Variants in IMPG2 observed in about 807,000 individuals in gnomAD.
IMPG2 encodes the protein IPM 200.
IMPG2 carries 91 observed loss-of-function variants against 129.2 expected under a neutral mutation model. That is an observed-to-expected ratio of 0.70 (90% CI 0.59 to 0.84). The LOEUF is 0.84. IMPG2 is among the 40% of genes least tolerant of loss of function. IMPG2 has a pLI of 0.00. For missense variants in IMPG2, 1,430 were observed against 1,461.7 expected (o/e 0.98, Z 0.35); for synonymous variants, 510 against 517.7 (o/e 0.99, Z 0.20).
At chr3:101,291,960 T>A (rs1280129862) in intron 3 of IMPG2, among the ~76,000 whole-genome samples, 1 of 152,180 alleles carries the variant, frequency 6.6e-6, no homozygotes, top group African/African-American at 2.4e-5. Context: ...AAAAGACATA[T>A]CATATCAATA....
intron 4 of IMPG2, among the ~76,000 whole-genome samples, chr3:101,284,042 G>A (rs779506862): frequency 3.9e-5 from 6 of 152,184 alleles, no homozygotes; most frequent in Non-Finnish European, 5.9e-5. Context: ...TCAGATTCGA[G>A]ATATATTTTG....
At chr3:101,284,260 C>G (rs1048495956) in intron 4 of IMPG2, among the ~76,000 whole-genome samples, 10 of 152,150 alleles carry the variant, frequency 6.6e-5, no homozygotes, top group African/African-American at 2.4e-4. Context: ...ACTTGACATT[C>G]ACATAGAGAT....
At chr3:101,299,871 C>T (rs940717594) in intron 3 of IMPG2, among the ~76,000 whole-genome samples, 4 of 152,188 alleles carry the variant, frequency 2.6e-5, no homozygotes, top group African/African-American at 9.7e-5. Context: ...TGGAGGGTCT[C>T]ACCCAGTTGG....
chr3:101,304,073 C>T lies in IMPG2; in HGVS notation c.501+73G>A, dbSNP rs1156921123. 3 of 1,536,036 alleles carry T rather than the reference C, an allele frequency of 2.0e-6. 1 individual carries two copies. In the Admixed American group the frequency reaches 5.0e-5, roughly 26 times the overall value. ...TACAGGCATTTGCCACTTGCTTTTG[C>T]TTCCTTTAGGCCTTAGCTGTGTAAA... On this transcript the variant is annotated intron_variant, in intron 3 of 18. Transcript: ENST00000193391.
intron 5 of IMPG2, 100 bp downstream of exon 5, chr3:101,276,564 A>G: frequency 1.3e-6 from 1 of 786,734 alleles, no homozygotes; most frequent in Non-Finnish European, 2.1e-6. Context: ...GAAATCTGAT[A>G]TTTTTAAAAG....
chr3:101,258,424 T>C (rs1033233094), intron 9 of IMPG2, among the ~76,000 whole-genome samples: 1 of 152,112 alleles, frequency 6.6e-6, no homozygotes, highest in Non-Finnish European at 1.5e-5. Context: ...AGTAATTTTT[T>C]TCTTGGCCTG....
intron 10 of IMPG2, 30 bp downstream of exon 10, chr3:101,257,499 C>G: frequency 6.2e-7 from 1 of 1,611,922 alleles, no homozygotes; most frequent in Non-Finnish European, 8.5e-7. Flanking sequence ...AGAAACTATA[C>G]AAGGACTTCA....
chr3:101,251,602 A>T (rs1318191221), intron 11 of IMPG2, among the ~76,000 whole-genome samples: 1 of 152,168 alleles, frequency 6.6e-6, no homozygotes. Flanking sequence ...GCCAATTGAA[A>T]AGTTTGTTAG....
chr3:101,223,164 A>T lies in IMPG2; in HGVS notation c.*3805T>A, dbSNP rs2107196513. The T allele has an allele frequency of 6.6e-6, 1 of 152,334 alleles. No homozygotes were observed. Among genetic ancestry groups the T allele is most frequent in the East Asian group, 1.9e-4 (1 of 5,190 alleles). The allele number at this position is 152,334 out of a possible 1,614,324, so 9.4% of individuals were successfully genotyped here. A position where few individuals can be genotyped will look rare whatever the true frequency, so the allele number is the denominator to read the frequency against. On this transcript the variant is annotated 3_prime_UTR_variant, in exon 19 of 19. Transcript: ENST00000193391. ...CCTTCCGCCAGGATATCCTTTGTGG[A>T]ATACAATGCAATGGATTTGAGAATA...
chr3:101,246,015 C>G lies in IMPG2; in HGVS notation c.1330G>C (p.Ala444Pro). 6.2e-7 allele frequency: 1 copy of G among 1,614,114 alleles called. No individual in the cohort carries two copies. Among genetic ancestry groups the G allele is most frequent in the Non-Finnish European group, 8.5e-7 (1 of 1,180,000 alleles). Residue 444 changes from alanine (A) to proline (P), a missense_variant, in exon 12 of 19, where the codon GCC becomes CCC. Coordinates refer to ENST00000193391, the MANE Select transcript of IMPG2 (RefSeq NM_016247.4). ...TCTGACCAGAGTTCCCTGCCAGTGG[C>G]TGAGGGAGGACCAGAGCTGAAATCA... Reference protein sequence around the residue: ...PLDFSSGPPSATGRELWSESP... With the variant: ...PLDFSSGPPSPTGRELWSESP...
intron 10 of IMPG2, among the ~76,000 whole-genome samples, chr3:101,255,996 AC>A (rs1174304685): frequency 6.6e-6 from 1 of 151,368 alleles, no homozygotes; most frequent in East Asian, 1.9e-4. Context: ...ATTAAAAAAA[AC>A]GTTAGTCCAG....
chr3:101,318,414 A>G (rs186114657), intron 2 of IMPG2, among the ~76,000 whole-genome samples: 2 of 152,196 alleles, frequency 1.3e-5, no homozygotes, highest in East Asian at 3.9e-4. Context: ...ATCAAGAAAT[A>G]GAAATACACT....
chr3:101,297,759 TGA>T (rs970269927), intron 3 of IMPG2, among the ~76,000 whole-genome samples: 1 of 152,230 alleles, frequency 6.6e-6, no homozygotes, highest in African/African-American at 2.4e-5. Flanking sequence ...CTGTGGTCTG[TGA>T]GACTATTTGT....
At chr3:101,273,427 C>A (rs1232931192) in intron 7 of IMPG2, among the ~76,000 whole-genome samples, 154 bp downstream of exon 7, 1 of 152,174 alleles carries the variant, frequency 6.6e-6, no homozygotes, top group Non-Finnish European at 1.5e-5. Context: ...TATGACTTTT[C>A]ACAGAGTTTT....
chr3:101,297,799 G>A (rs779401719), intron 3 of IMPG2, among the ~76,000 whole-genome samples: 1 of 152,186 alleles, frequency 6.6e-6, no homozygotes, highest in Non-Finnish European at 1.5e-5. Context: ...CACATTTGTT[G>A]AGGAGTGTTT....
chr3:101,274,301 A>T (rs1706819974), intron 6 of IMPG2, among the ~76,000 whole-genome samples: 1 of 152,136 alleles, frequency 6.6e-6, no homozygotes, highest in African/African-American at 2.4e-5. Context: ...TAGTAGAATA[A>T]AAAGAAAGAA....
intron 11 of IMPG2, among the ~76,000 whole-genome samples, chr3:101,247,897 G>C (rs1247362188): frequency 6.6e-6 from 1 of 152,120 alleles, no homozygotes; most frequent in Admixed American, 6.5e-5. Flanking sequence ...TCATGCTATA[G>C]CTATGAACAA....
At chr3:101,303,643 G>A (rs1007883670) in intron 3 of IMPG2, among the ~76,000 whole-genome samples, 3 of 152,192 alleles carry the variant, frequency 2.0e-5, no homozygotes, top group Non-Finnish European at 4.4e-5. Flanking sequence ...TTTGCTAAGA[G>A]TAAAACAATG....
intron 6 of IMPG2, 88 bp from the exon 7 acceptor site, chr3:101,273,830 G>C: frequency 7.8e-7 from 1 of 1,275,690 alleles, no homozygotes; most frequent in South Asian, 1.2e-5. Context: ...TGTCAGAACT[G>C]TGCTAAAGGC....
Sources: gnomAD v4.1 joint callset for allele counts (sites outside exome capture counted in the v4.1 genomes callset) on GRCh38, gnomAD v4.1.1 for gene constraint, MANE v1.5 for transcripts, NCBI Gene and HGNC (gene_info 2026-07-23, HGNC 2026-07-21) for gene names.